UGT2B7: variants seen among roughly 807,000 people sequenced by gnomAD.
UGT2B7 encodes the protein UDP-glucuronosyltransferase 2B7.
UGT2B7 carries 51 observed loss-of-function variants against 51.9 expected under a neutral mutation model. The ratio of observed to expected loss-of-function variants is 0.98; its 90% CI spans 0.78 to 1.24. UGT2B7 has a LOEUF of 1.24. Among genes scored for constraint, UGT2B7 ranks in the 50% most tolerant of loss-of-function variants. UGT2B7 has a pLI of 0.00. For missense variants in UGT2B7, 727 were observed against 628.4 expected, an observed-to-expected ratio of 1.16 and a Z score of -1.68; for synonymous variants, 225 against 211.6, an observed-to-expected ratio of 1.06 and a Z score of -0.55.
chr4:69,105,013 T>C (rs1020140785), intron 3 of UGT2B7, among the ~76,000 whole-genome samples: 2 of 152,058 alleles, frequency 1.3e-5, no homozygotes, highest in Non-Finnish European at 2.9e-5. Context: ...CAGATAGATT[T>C]AGAGAAAGAG....
chr4:69,054,968 T>C (rs1161044343), intron 1 of UGT2B7, among the ~76,000 whole-genome samples: 1 of 151,920 alleles, frequency 6.6e-6, no homozygotes, highest in African/African-American at 2.4e-5. Flanking sequence ...AGGAACTTGT[T>C]TGTACAATAA....
At chr4:69,083,589 A>G (rs933558181) in intron 1 of UGT2B7, among the ~76,000 whole-genome samples, 2 of 152,048 alleles carry the variant, frequency 1.3e-5, no homozygotes, top group African/African-American at 4.8e-5. Context: ...TTTTATTGTA[A>G]AGATCTTATA....
Position 69,096,761 on chromosome 4 carries a change from T to G in UGT2B7, c.241T>G (p.Leu81Val), listed in dbSNP as rs1266848546. The change falls in exon 1 of 6, where the codon TTA becomes GTA. Residue 81 changes from leucine (L) to valine (V), a missense_variant. Coordinates refer to ENST00000305231, the MANE Select transcript of UGT2B7 (RefSeq NM_001074.4). ...ALKIEIYPTSLTKTELENFIM... is the reference protein window; with the variant it reads ...ALKIEIYPTSVTKTELENFIM... ...TAAAATTGAAATTTATCCCACATCT[T>G]TAACTAAAACTGAGTTGGAGAATTT... The G allele has an allele frequency of 6.2e-7, 1 of 1,614,024 alleles. No homozygotes were observed. The highest frequency in any genetic ancestry group is 8.5e-7 in the Non-Finnish European group (1 of 1,179,930).
chr4:69,109,579 C>A (rs537383795), intron 5 of UGT2B7, among the ~76,000 whole-genome samples: 1 of 152,100 alleles, frequency 6.6e-6, no homozygotes, highest in South Asian at 2.1e-4. Context: ...TTAAACTTTG[C>A]TATTTGTCTT....
intron 1 of UGT2B7, among the ~76,000 whole-genome samples, chr4:69,074,395 C>G (rs1477222456): frequency 6.8e-6 from 1 of 147,424 alleles, no homozygotes; most frequent in Non-Finnish European, 1.5e-5. Context: ...GCATTTCGTT[C>G]AGCCTGGACG....
In UGT2B7 at chr4:69,052,852, T is replaced by G. The variant is rs185036845; in HGVS notation, c.-159+1250T>G. 8.0e-3 allele frequency among the ~76,000 whole-genome samples: 1,217 copies of G among 152,234 alleles called. 7 individuals carry two copies. The highest frequency in any genetic ancestry group is 0.013 in the Non-Finnish European group (886 of 67,994). ...TGTATAAAAAAGTAAAACATACCTTTGGTAAAAAGATTATAAGGAGGCATA... is the reference window on the plus strand; with the variant it reads ...TGTATAAAAAAGTAAAACATACCTTGGGTAAAAAGATTATAAGGAGGCATA... On this transcript the variant is annotated intron_variant, in intron 1 of 5. Transcript: ENST00000502942.
intron 5 of UGT2B7, among the ~76,000 whole-genome samples, chr4:69,112,166 A>G (rs1719790918): frequency 1.3e-5 from 2 of 152,188 alleles, no homozygotes; most frequent in Admixed American, 1.3e-4. Context: ...ATGGAAAAGC[A>G]TTGTAAAAAT....
At chr4:69,110,605 C>G (rs928416953) in intron 5 of UGT2B7, among the ~76,000 whole-genome samples, 1 of 152,012 alleles carries the variant, frequency 6.6e-6, no homozygotes, top group Non-Finnish European at 1.5e-5. Flanking sequence ...AATTACCCAA[C>G]AACTGCTACA....
At position 69,108,158 on chromosome 4, in the gene UGT2B7, G is replaced by A. The variant is rs1052564131; in HGVS notation, c.1146G>A (p.Glu382=). Residue 382 remains glutamate, a synonymous_variant, in exon 5 of 6, where the codon GAG becomes GAA. Transcript: ENST00000305231. ...ATGGTGGAGCCAATGGCATCTACGA[G>A]GCAATCTACCATGGGATCCCTATGG... ...ITHGGANGIY[E]AIYHGIPMVG... The A allele has an allele frequency of 1.2e-6, 2 of 1,613,446 alleles. No individual in the cohort carries two copies. The highest frequency in any genetic ancestry group is 2.2e-5 in the East Asian group (1 of 44,872).
intron 1 of UGT2B7, among the ~76,000 whole-genome samples, chr4:69,052,569 C>CAAAAA (rs1204317464): frequency 6.7e-4 from 43 of 64,660 alleles, no homozygotes; most frequent in East Asian, 8.6e-4. Flanking sequence ...TGGTTATCTT[C>CAAAAA]AAAAAAAAAA....
chr4:69,070,471 G>C (rs1308900770), intron 1 of UGT2B7, among the ~76,000 whole-genome samples: 2 of 148,984 alleles, frequency 1.3e-5, no homozygotes, highest in Non-Finnish European at 3.0e-5. Context: ...CAAGATCCTT[G>C]TTAAAAATTG....
At chr4:69,108,949 A>G (rs1560512653) in intron 5 of UGT2B7, among the ~76,000 whole-genome samples, 2 of 151,948 alleles carry the variant, frequency 1.3e-5, no homozygotes, top group African/African-American at 2.4e-5. Context: ...TCCTTTCTCT[A>G]TAGATTATTC....
chr4:69,082,353 A>G (rs186944390), intron 1 of UGT2B7, among the ~76,000 whole-genome samples: 2 of 152,098 alleles, frequency 1.3e-5, no homozygotes, highest in East Asian at 1.9e-4. Flanking sequence ...GCTCAGAAAG[A>G]CTTAAAGTTA....
chr4:69,079,390 G>A lies in UGT2B7; in HGVS notation c.-158-10082G>A, dbSNP rs529847252. On this transcript the variant is annotated intron_variant, in intron 1 of 5. Coordinates refer to the UGT2B7 transcript ENST00000502942. ...CTTTAAAAATACAGTCATATTCCAG[G>A]AGTTAAAGGGTCCAGCTCACCAACA... 2.4e-4 allele frequency among the ~76,000 whole-genome samples: 37 copies of A among 152,262 alleles called. No homozygotes were observed. In the South Asian group the frequency reaches 6.8e-3, roughly 28 times the overall value.
intron 1 of UGT2B7, among the ~76,000 whole-genome samples, chr4:69,063,346 CA>C (rs1718401676): frequency 8.1e-6 from 1 of 123,880 alleles, no homozygotes; most frequent in Non-Finnish European, 1.7e-5. Context: ...AAAAGAAACA[CA>C]GTAATTAAGA....
intron 1 of UGT2B7, among the ~76,000 whole-genome samples, chr4:69,053,639 G>A (rs1418153359): frequency 3.3e-5 from 5 of 152,162 alleles, no homozygotes; most frequent in Non-Finnish European, 7.4e-5. Flanking sequence ...GTCAGCCTCC[G>A]AGGGCCATCC....
chr4:69,090,112 T>A (rs1719052316), intron 2 of UGT2B7, among the ~76,000 whole-genome samples: 1 of 152,174 alleles, frequency 6.6e-6, no homozygotes, highest in Admixed American at 6.5e-5. Context: ...TTTCAAGAAT[T>A]AAAAGGCAAT....
In UGT2B7 at chr4:69,108,332, A is replaced by G. The variant is rs757420843; in HGVS notation, c.1310+10A>G. On this transcript the variant is annotated intron_variant, in intron 5 of 5. Transcript: ENST00000305231. ...TAATTAATGATCCTTCGTGAGTAGA[A>G]CAATATTTTTCACTAGGTGGTATTT... 3.7e-6 allele frequency: 6 copies of G among 1,611,978 alleles called. No homozygotes were observed. The African/African-American group carries it at 8.0e-5, about 22-fold the overall frequency.
intron 1 of UGT2B7, among the ~76,000 whole-genome samples, chr4:69,066,949 G>T (rs990034761): frequency 6.6e-6 from 1 of 151,956 alleles, no homozygotes; most frequent in African/African-American, 2.4e-5. Context: ...ATGGAGTGTG[G>T]CCTGTCCTTC....
Sources: allele counts gnomAD v4.1 joint callset (sites outside exome capture counted in the v4.1 genomes callset), GRCh38; gene constraint gnomAD v4.1.1; transcripts MANE v1.5; gene names NCBI Gene and HGNC (gene_info 2026-07-23, HGNC 2026-07-21).